Variants in ING3 observed in about 807,000 individuals in gnomAD.
ING3 encodes the protein inhibitor of growth protein 3.
A neutral mutation model predicts 64.8 loss-of-function variants in ING3; 6 were observed. That is an observed-to-expected ratio of 0.09 (90% CI 0.05 to 0.18). The LOEUF (loss-of-function observed/expected upper bound fraction) is 0.18. Ranked by LOEUF, ING3 falls within the 10% of genes least tolerant of loss-of-function variation. The pLI is 1.00. For missense variants in ING3, 310 were observed against 489.7 expected (o/e 0.63, Z 3.46); for synonymous variants, 170 against 173.7 (o/e 0.98, Z 0.17).
chr7:120,973,797 C>T (rs540785180), intron 11 of ING3, among the ~76,000 whole-genome samples: 43 of 152,224 alleles, frequency 2.8e-4, no homozygotes, highest in East Asian at 2.7e-3. Flanking sequence ...GTTAGAGATA[C>T]GTTTTTTATT....
At position 120,955,160 on chromosome 7, in the gene ING3, C is replaced by T. The variant is rs185522978; in HGVS notation, c.202-399C>T. 4.3e-3 allele frequency among the ~76,000 whole-genome samples: 649 copies of T among 152,240 alleles called. 5 individuals carry two copies. The highest frequency in any genetic ancestry group is 6.3e-3 in the Non-Finnish European group (426 of 68,020). On this transcript the variant is annotated intron_variant, in intron 3 of 11. Coordinates refer to ENST00000315870, the MANE Select transcript of ING3 (RefSeq NM_019071.3). ...TTTTTGTTTTTTTGAGACAGAGTCT[C>T]GCTCTGTTGTCCAAGCTGGAGTGCA...
chr7:120,973,288 T>C (rs1336069442), intron 11 of ING3, 45 bp downstream of exon 11: 1 of 1,196,938 alleles, frequency 8.4e-7, no homozygotes, highest in African/African-American at 1.5e-5. Context: ...AAATCACAGG[T>C]TGTTATTACT....
rs1796036667 is a variant in ING3, at chr7:120,969,209, GT to G, written c.908+9del. 1 of 1,610,502 alleles carries G rather than the reference GT, an allele frequency of 6.2e-7. No individual in the cohort carries two copies. The highest frequency in any genetic ancestry group is 1.1e-5 in the South Asian group (1 of 90,718). ...ACGGAGTGGTCGAAAGAGCAAGTAA[GT>G]TTTATTGTTACAGTAGCCCTATACC... On this transcript the variant is annotated splice_donor_region_variant and intron_variant, in intron 9 of 11. Coordinates refer to ENST00000315870, the MANE Select transcript of ING3 (RefSeq NM_019071.3).
chr7:120,961,597 C>A (rs1252022267), intron 4 of ING3, among the ~76,000 whole-genome samples: 2 of 152,160 alleles, frequency 1.3e-5, no homozygotes, highest in Non-Finnish European at 2.9e-5. Context: ...GATTACAACT[C>A]TATGCAAATA....
chr7:120,964,890 C>A, intron 5 of ING3, 52 bp downstream of exon 5: 4 of 1,408,124 alleles, frequency 2.8e-6, no homozygotes, highest in South Asian at 2.3e-5. Flanking sequence ...ATGTGCAAAT[C>A]GCTGAGAAGA....
chr7:120,973,091 G>T, intron 10 of ING3, 114 bp from the exon 11 acceptor site: 3 of 453,788 alleles, frequency 6.6e-6, no homozygotes, highest in East Asian at 6.5e-5. Flanking sequence ...CAATGTAATT[G>T]TATATTCAGT....
At chr7:120,955,805 GGTTA>G (rs1291176161) in intron 4 of ING3, 181 bp downstream of exon 4, 19 of 603,980 alleles carry the variant, frequency 3.1e-5, no homozygotes, top group African/African-American at 2.4e-4. Context: ...AAGTCAGAGT[GGTTA>G]GTTAATGTGG....
At chr7:120,958,786 A>G (rs911908029) in intron 4 of ING3, among the ~76,000 whole-genome samples, 8 of 152,300 alleles carry the variant, frequency 5.3e-5, no homozygotes, top group African/African-American at 1.9e-4. Flanking sequence ...TTTAAAAAGA[A>G]CTCAGGCAAT....
At chr7:120,954,023 A>G (rs190273657) in intron 3 of ING3, among the ~76,000 whole-genome samples, 25 of 152,322 alleles carry the variant, frequency 1.6e-4, no homozygotes, top group Admixed American at 1.5e-3. Context: ...AAACAACTTA[A>G]AAGACTTGAG....
intron 10 of ING3, among the ~76,000 whole-genome samples, chr7:120,972,920 A>C (rs748884837): frequency 2.0e-5 from 3 of 152,218 alleles, no homozygotes; most frequent in Non-Finnish European, 2.9e-5. Flanking sequence ...AAATTTTTAC[A>C]ATAAGAACTA....
intron 4 of ING3, 87 bp downstream of exon 4, chr7:120,955,711 A>G: frequency 1.2e-6 from 1 of 867,146 alleles, no homozygotes; most frequent in East Asian, 2.6e-5. Flanking sequence ...TGTAGTAGGA[A>G]GAAGCAACTA....
chr7:120,972,137 TG>T (rs1785950448), intron 10 of ING3, among the ~76,000 whole-genome samples: 1 of 152,178 alleles, frequency 6.6e-6, no homozygotes, highest in South Asian at 2.1e-4. Context: ...TTTAATTTTA[TG>T]TAGTTATGAC....
intron 4 of ING3, among the ~76,000 whole-genome samples, chr7:120,962,682 C>G (rs1018138913): frequency 1.3e-5 from 2 of 152,010 alleles, no homozygotes; most frequent in Non-Finnish European, 2.9e-5. Context: ...TTGTTTTTCT[C>G]TAAGCATACT....
intron 2 of ING3, among the ~76,000 whole-genome samples, chr7:120,952,645 G>A (rs1018148486): frequency 6.6e-6 from 1 of 151,980 alleles, no homozygotes; most frequent in Non-Finnish European, 1.5e-5. Context: ...ATTAACCATA[G>A]GACTTCATAG....
chr7:120,951,505 G>A (rs1458527233), intron 2 of ING3, among the ~76,000 whole-genome samples: 1 of 152,100 alleles, frequency 6.6e-6, no homozygotes, highest in Admixed American at 6.5e-5. Flanking sequence ...TTTCTCTACC[G>A]TCATTGACAT....
At chr7:120,956,735 A>G (rs1279297977) in intron 4 of ING3, 1 of 980,280 alleles carries the variant, frequency 1.0e-6, no homozygotes, top group Non-Finnish European at 1.2e-6. Flanking sequence ...TTATGTCTAT[A>G]AACTTAGAAA....
chr7:120,969,129 C>G lies in ING3; in HGVS notation c.833C>G (p.Ser278Cys). 6.2e-7 allele frequency: 1 copy of G among 1,614,048 alleles called. No individual in the cohort carries two copies. Among genetic ancestry groups the G allele is most frequent in the Middle Eastern group, 1.6e-4 (1 of 6,062 alleles). ...MARETVGYSS[S>C]SALMTTLTQN... ...AGGGAAACAGTTGGCTATTCATCAT[C>G]TTCGGCACTTATGACAACATTAACA... The change falls in exon 9 of 12, where the codon TCT becomes TGT. Residue 278 changes from serine (S) to cysteine (C), a missense_variant. Transcript: ENST00000315870.
chr7:120,964,228 T>C (rs2525718), intron 4 of ING3, among the ~76,000 whole-genome samples: 42,043 of 151,990 alleles, frequency 0.28, 7,111 homozygotes, highest in African/African-American at 0.46. Context: ...ACAAGCATTA[T>C]GATTCACTCT....
At chr7:120,950,947 GGCCGCCAGT>G in intron 1 of ING3, 23 bp downstream of exon 1, 1 of 1,612,626 alleles carries the variant, frequency 6.2e-7, no homozygotes, top group Non-Finnish European at 8.5e-7. Context: ...CGCTGGCGGC[GGCCGCCAGT>G]GGGACGTGCG....
Sources: gnomAD v4.1 joint callset for allele counts (sites outside exome capture counted in the v4.1 genomes callset) on GRCh38, gnomAD v4.1.1 for gene constraint, MANE v1.5 for transcripts, NCBI Gene and HGNC (gene_info 2026-07-23, HGNC 2026-07-21) for gene names.